SGPP2: variants seen among roughly 807,000 people sequenced by gnomAD.
SGPP2 encodes sphingosine-1-phosphate phosphatase 2.
A neutral mutation model predicts 33.9 loss-of-function variants in SGPP2; 30 were observed. That is an observed-to-expected ratio of 0.89 (90% CI 0.66 to 1.20). The LOEUF (loss-of-function observed/expected upper bound fraction) is 1.20. Among genes scored for constraint, SGPP2 ranks in the 50% most tolerant of loss-of-function variants. The pLI is 0.00. For synonymous variants in SGPP2, 233 were observed against 225.0 expected (o/e 1.04, Z -0.32); for missense variants, 458 against 532.1 (o/e 0.86, Z 1.37).
Position 222,476,809 on chromosome 2 carries a change from CGTGTATATAGGTGT to C in SGPP2, c.378+2092_378+2105del, listed in dbSNP as rs1258415061. On this transcript the variant is annotated intron_variant, in intron 2 of 4. Coordinates refer to ENST00000321276, the MANE Select transcript of SGPP2 (RefSeq NM_152386.4). This position sits in a 1 kb window ranked among gnomAD's most constrained non-coding sequence, Gnocchi z 4.3. ...GTATACAGGTGTGTGTATATCCGTGCGTGTATATAGGTGTGTGTATATGTGTATGTGTGTATATA... is the reference window on the plus strand; with the variant it reads ...GTATACAGGTGTGTGTATATCCGTGCGTGTATATGTGTATGTGTGTATATA... Among the ~76,000 whole-genome samples, 6 of 147,470 alleles carry C rather than the reference CGTGTATATAGGTGT, an allele frequency of 4.1e-5. No homozygotes were observed. Among genetic ancestry groups the C allele is most frequent in the Non-Finnish European group, 9.0e-5 (6 of 66,796 alleles).
At chr2:222,536,229 CA>C (rs1344760249) in intron 4 of SGPP2, among the ~76,000 whole-genome samples, 1 of 152,130 alleles carries the variant, frequency 6.6e-6, no homozygotes. Flanking sequence ...TCTCTTAATG[CA>C]AAAAGCACTG....
intron 2 of SGPP2, among the ~76,000 whole-genome samples, chr2:222,481,234 C>T (rs1042805058): frequency 2.0e-5 from 3 of 151,936 alleles, no homozygotes; most frequent in South Asian, 2.1e-4. Context: ...ACGTGTACCC[C>T]GACCTTAAAA....
At chr2:222,541,968 A>G (rs1699005234) in intron 4 of SGPP2, among the ~76,000 whole-genome samples, 1 of 152,152 alleles carries the variant, frequency 6.6e-6, no homozygotes, top group African/African-American at 2.4e-5. Context: ...AAAGTAAACA[A>G]ATTGTAAATG....
intron 1 of SGPP2, among the ~76,000 whole-genome samples, chr2:222,426,583 G>A (rs980075020): frequency 1.3e-5 from 2 of 152,016 alleles, no homozygotes; most frequent in African/African-American, 2.4e-5. Context: ...AAATTGTGGC[G>A]GTTTCCCCAC....
intron 1 of SGPP2, among the ~76,000 whole-genome samples, chr2:222,431,508 C>G (rs913963533): frequency 5.3e-5 from 8 of 151,964 alleles, no homozygotes; most frequent in African/African-American, 1.9e-4. Context: ...TTGCCCCCCG[C>G]CCCCCGCTCG....
intron 2 of SGPP2, among the ~76,000 whole-genome samples, chr2:222,482,338 A>G (rs973758697): frequency 6.6e-6 from 1 of 152,192 alleles, no homozygotes; most frequent in Non-Finnish European, 1.5e-5. Flanking sequence ...TTTTCCTGAT[A>G]TCTTCTTCTT....
chr2:222,442,395 CAATACTT>C (rs1465941014), intron 1 of SGPP2, among the ~76,000 whole-genome samples: 1 of 152,162 alleles, frequency 6.6e-6, no homozygotes, highest in African/African-American at 2.4e-5. Flanking sequence ...GATTAAATAA[CAATACTT>C]AGTACTTATA....
In SGPP2 at chr2:222,504,437, G is replaced by A. The variant is rs1337688186; in HGVS notation, c.379-17330G>A. The A allele has an allele frequency of 2.0e-5, 3 of 152,350 alleles. No individual in the cohort carries two copies. The East Asian group carries it at 5.8e-4, about 29-fold the overall frequency. 9.4% of individuals were successfully genotyped at this position (152,350 alleles called of 1,614,324 possible). ...TGACATTGCTGACAATTTCGAAGGA[G>A]TTGTCATCTTCACAGTTCTCTCCCA... On this transcript the variant is annotated intron_variant, in intron 2 of 4. Coordinates refer to ENST00000321276, the MANE Select transcript of SGPP2 (RefSeq NM_152386.4).
chr2:222,424,812 G>A lies in SGPP2; in HGVS notation c.210G>A (p.Ala70=). The A allele has an allele frequency of 1.5e-6, 2 of 1,367,838 alleles. No homozygotes were observed. Among genetic ancestry groups the A allele is most frequent in the Non-Finnish European group, 1.9e-6 (2 of 1,063,038 alleles). The allele number at this position is 1,367,838 out of a possible 1,614,324, so 84.7% of individuals were successfully genotyped here. Residue 70 remains alanine (A), a synonymous_variant, in exon 1 of 5, where the codon GCG becomes GCA. Coordinates refer to ENST00000321276, the MANE Select transcript of SGPP2 (RefSeq NM_152386.4). Reference sequence around the variant, plus strand: ...CGGCCAACGGGCTGCGCAGAGCCGCGGCGCCGGAGGTAACCATGGGCAGGT... The same window carrying A: ...CGGCCAACGGGCTGCGCAGAGCCGCAGCGCCGGAGGTAACCATGGGCAGGT... ...EAPANGLRRA[A]APEAYVQKYV...
intron 4 of SGPP2, among the ~76,000 whole-genome samples, chr2:222,554,206 T>G (rs902610009): frequency 1.3e-5 from 2 of 152,262 alleles, no homozygotes; most frequent in Admixed American, 1.3e-4. Flanking sequence ...CTCTGTGTAT[T>G]CAAGTTAAAG....
At chr2:222,483,209 T>G (rs1698055635) in intron 2 of SGPP2, among the ~76,000 whole-genome samples, 1 of 152,248 alleles carries the variant, frequency 6.6e-6, no homozygotes, top group South Asian at 2.1e-4. Context: ...TCAACTCCAT[T>G]GCTAAATAAT....
chr2:222,485,280 C>G (rs1033521345), intron 2 of SGPP2, among the ~76,000 whole-genome samples: 1 of 152,200 alleles, frequency 6.6e-6, no homozygotes, highest in African/African-American at 2.4e-5. Flanking sequence ...TTGCAAGTGC[C>G]TATATCTACA....
At chr2:222,444,257 T>A (rs1483861207) in intron 1 of SGPP2, among the ~76,000 whole-genome samples, 1 of 152,216 alleles carries the variant, frequency 6.6e-6, no homozygotes, top group East Asian at 1.9e-4. Flanking sequence ...TGCTTTAAAT[T>A]GTTGCATTGC....
chr2:222,499,842 A>C (rs1398044719), intron 2 of SGPP2, among the ~76,000 whole-genome samples: 1 of 152,192 alleles, frequency 6.6e-6, no homozygotes, highest in African/African-American at 2.4e-5. Context: ...TTTACCCTAA[A>C]TAAGGCCTTC....
chr2:222,497,733 C>G (rs1024763482), intron 2 of SGPP2, among the ~76,000 whole-genome samples: 2 of 152,184 alleles, frequency 1.3e-5, no homozygotes, highest in Non-Finnish European at 2.9e-5. Context: ...CCATCCTGCT[C>G]TGGGGTTCAC....
chr2:222,548,245 G>A (rs934011887), intron 4 of SGPP2, among the ~76,000 whole-genome samples: 1 of 152,178 alleles, frequency 6.6e-6, no homozygotes, highest in Non-Finnish European at 1.5e-5. Flanking sequence ...ATATGACATG[G>A]AAATCAGGTT....
intron 2 of SGPP2, among the ~76,000 whole-genome samples, chr2:222,489,599 C>G (rs1439465928): frequency 6.6e-6 from 1 of 151,910 alleles, no homozygotes; most frequent in Non-Finnish European, 1.5e-5. Context: ...GTCTTCTAAT[C>G]TACAAAGAAT....
At chr2:222,502,614 T>A (rs1313034226) in intron 2 of SGPP2, among the ~76,000 whole-genome samples, 1 of 152,240 alleles carries the variant, frequency 6.6e-6, no homozygotes. Context: ...CCTATATTTC[T>A]TTATAATATG....
chr2:222,508,259 G>T (rs143821037), intron 2 of SGPP2, among the ~76,000 whole-genome samples: 2 of 152,302 alleles, frequency 1.3e-5, no homozygotes, highest in East Asian at 3.9e-4. Context: ...CTATTCTCAT[G>T]TATTATACAT....
Sources: allele counts gnomAD v4.1 joint callset (sites outside exome capture counted in the v4.1 genomes callset), GRCh38; gene constraint gnomAD v4.1.1; non-coding constraint Gnocchi (gnomAD v3.1); transcripts MANE v1.5; gene names NCBI Gene and HGNC (gene_info 2026-07-23, HGNC 2026-07-21).